The following TSPAN19 variants were observed in gnomAD, a reference collection of about 807,000 sequenced individuals.
TSPAN19 encodes tetraspanin 19, also known as tetraspanin-19.
Under a neutral mutation model 35.1 loss-of-function variants are expected in TSPAN19, and 44 were observed. The ratio of observed to expected loss-of-function variants is 1.25; its 90% confidence interval spans 0.98 to 1.61. The LOEUF (loss-of-function observed/expected upper bound fraction) is 1.61, where lower values mean the gene tolerates loss of function less well. TSPAN19 is among the 40% of genes most tolerant of loss of function. The pLI is 0.00. For synonymous variants in TSPAN19, 79 were observed against 92.0 expected (o/e 0.86, Z 0.81); for missense variants, 290 against 280.0 (o/e 1.04, Z -0.26).
intron 3 of TSPAN19, among the ~76,000 whole-genome samples, chr12:85,028,567 A>G (rs568958344): frequency 6.6e-6 from 1 of 152,220 alleles, no homozygotes; most frequent in African/African-American, 2.4e-5. Flanking sequence ...CAGCAGAACA[A>G]TAAATGCTCA....
At position 85,034,427 on chromosome 12, in the gene TSPAN19, C is replaced by G. The variant is rs748692875; in HGVS notation, c.-28+1777G>C. Among the ~76,000 whole-genome samples, 4 of 152,204 alleles carry G rather than the reference C, an allele frequency of 2.6e-5. No individual in the cohort carries two copies. The South Asian group carries it at 8.3e-4, about 32-fold the overall frequency. ...CAGTTATCTCTCATTCTTTCATTCT[C>G]TCAATAAATATTTATTATGTACTCT... On this transcript the variant is annotated intron_variant, in intron 1 of 8. Transcript: ENST00000532498.
Position 85,027,975 on chromosome 12 carries a change from A to G in TSPAN19, c.188T>C (p.Met63Thr). Reference protein sequence around the residue: ...IVPISQILIGMGSSTVLFCLL... With the variant: ...IVPISQILIGTGSSTVLFCLL... ...ACAAAAAAGAACAGTAGAAGATCCC[A>G]TTCCAATCAAAATTTGAGAAATAGG... The change falls in exon 4 of 9, where the codon ATG becomes ACG. Residue 63 changes from methionine to threonine, a missense_variant. Coordinates refer to ENST00000532498, the MANE Select transcript of TSPAN19 (RefSeq NM_001100917.2). 6.2e-7 allele frequency: 1 copy of G among 1,600,320 alleles called. No homozygotes were observed. The highest frequency in any genetic ancestry group is 8.5e-7 in the Non-Finnish European group (1 of 1,172,280).
At chr12:85,027,761 A>G in intron 4 of TSPAN19, 138 bp downstream of exon 4, 1 of 799,910 alleles carries the variant, frequency 1.3e-6, no homozygotes, top group East Asian at 3.2e-5. Context: ...TGGAGGGAGG[A>G]GGGTGTGCTT....
At chr12:85,023,276 C>T in intron 5 of TSPAN19, 50 bp downstream of exon 5, 8 of 1,479,406 alleles carry the variant, frequency 5.4e-6, no homozygotes, top group South Asian at 1.2e-5. Context: ...ATCCAATTTC[C>T]TTTAAACTTC....
intron 1 of TSPAN19, among the ~76,000 whole-genome samples, chr12:85,030,763 T>C (rs1371246995): frequency 6.6e-6 from 1 of 152,142 alleles, no homozygotes; most frequent in East Asian, 1.9e-4. Context: ...AAAACTTTCA[T>C]GGAAAAATCA....
At chr12:85,023,455 T>A in intron 4 of TSPAN19, 55 bp from the exon 5 acceptor site, 1 of 1,375,258 alleles carries the variant, frequency 7.3e-7, no homozygotes, top group Non-Finnish European at 1.0e-6. Flanking sequence ...ATGTTTTGTA[T>A]GCTCAAATAA....
chr12:85,015,598 A>G (rs1239869411), intron 8 of TSPAN19: 3 of 204,874 alleles, frequency 1.5e-5, no homozygotes, highest in African/African-American at 2.3e-5. Context: ...AAATATATCT[A>G]TACATCAATA....
At chr12:85,030,208 T>A (rs1877617136) in intron 1 of TSPAN19, among the ~76,000 whole-genome samples, 1 of 152,138 alleles carries the variant, frequency 6.6e-6, no homozygotes, top group Non-Finnish European at 1.5e-5. Context: ...TGCAATGCTT[T>A]GACTAGGCAA....
intron 4 of TSPAN19, among the ~76,000 whole-genome samples, chr12:85,025,860 C>T (rs1314901420): frequency 6.6e-6 from 1 of 152,152 alleles, no homozygotes; most frequent in Non-Finnish European, 1.5e-5. Flanking sequence ...ATAATATTTG[C>T]CCATAAGTTG....
At chr12:85,030,245 C>T (rs1202874765) in intron 1 of TSPAN19, among the ~76,000 whole-genome samples, 1 of 152,084 alleles carries the variant, frequency 6.6e-6, no homozygotes, top group Non-Finnish European at 1.5e-5. Context: ...ATTTGTATAA[C>T]AAGTCAAGTA....
At position 85,027,141 on chromosome 12, in the gene TSPAN19, C is replaced by T. The variant is rs191893904; in HGVS notation, c.264+758G>A. On this transcript the variant is annotated intron_variant, in intron 4 of 8. Transcript: ENST00000532498. ...CTCTGGAATATAATTTGCCTTTTCA[C>T]GTTACAAGCCTCGAGAGAAACAGTG... 2.2e-4 allele frequency among the ~76,000 whole-genome samples: 34 copies of T among 152,234 alleles called. No individual in the cohort carries two copies. In the East Asian group the frequency reaches 2.9e-3, roughly 13 times the overall value.
chr12:85,035,923 TTTTTCTTTTC>T (rs1209930994), intron 1 of TSPAN19, among the ~76,000 whole-genome samples: 1 of 152,096 alleles, frequency 6.6e-6, no homozygotes, highest in African/African-American at 2.4e-5. Context: ...TCTTTTTTCC[TTTTTCTTTTC>T]TTTTCTTTTT....
At chr12:85,028,850 T>G (rs1393112356) in intron 3 of TSPAN19, among the ~76,000 whole-genome samples, 1 of 152,170 alleles carries the variant, frequency 6.6e-6, no homozygotes, top group Non-Finnish European at 1.5e-5. Context: ...TTTGCCGGCA[T>G]ACTACTGGGA....
intron 5 of TSPAN19, 130 bp from the exon 6 acceptor site, chr12:85,019,866 A>G (rs916509047): frequency 3.6e-6 from 2 of 552,390 alleles, no homozygotes; most frequent in East Asian, 3.1e-5. Context: ...TTTTCTGTTT[A>G]TTTCTTTTTA....
At chr12:85,030,113 T>A (rs2135815736) in intron 1 of TSPAN19, 140 bp from the exon 2 acceptor site, 1 of 671,744 alleles carries the variant, frequency 1.5e-6, no homozygotes. Flanking sequence ...ATGAAAGGAT[T>A]TATTGAAGGT....
chr12:85,033,435 G>C (rs535803354), intron 1 of TSPAN19, among the ~76,000 whole-genome samples: 1 of 150,598 alleles, frequency 6.6e-6, no homozygotes, highest in Admixed American at 6.6e-5. Flanking sequence ...AAGATAGGGG[G>C]ATAATTTATA....
intron 4 of TSPAN19, among the ~76,000 whole-genome samples, chr12:85,025,223 C>A (rs1166606194): frequency 2.6e-5 from 4 of 151,634 alleles, no homozygotes; most frequent in African/African-American, 9.7e-5. Flanking sequence ...GCAACCTTCG[C>A]CTCCCAGGTT....
intron 1 of TSPAN19, among the ~76,000 whole-genome samples, chr12:85,031,505 C>T (rs938046732): frequency 1.3e-5 from 2 of 152,074 alleles, no homozygotes; most frequent in African/African-American, 4.8e-5. Context: ...ATGTTGAAGG[C>T]ATGGACTTGA....
At position 85,019,626 on chromosome 12, in the gene TSPAN19, T is replaced by C; in HGVS notation, c.450A>G (p.Thr150=). 1 of 1,568,590 alleles carries C rather than the reference T, an allele frequency of 6.4e-7. No individual in the cohort carries two copies. The highest frequency in any genetic ancestry group is 8.8e-7 in the Non-Finnish European group (1 of 1,140,562). The change falls in exon 6 of 9, where the codon ACA becomes ACG. Residue 150 remains threonine, a splice_region_variant and synonymous_variant. Transcript: ENST00000532498. ...KWTILNALQK[T]LQCCGQHNYT... The stretch of plus-strand genomic sequence containing the variant: ...AATTTTTTAGTTAATTTCATCTTAC[T>C]GTTTTCTGTAAGGCATTCAGAATAG...
Sources: allele counts gnomAD v4.1 joint callset (sites outside exome capture counted in the v4.1 genomes callset), GRCh38; gene constraint gnomAD v4.1.1; transcripts MANE v1.5; gene names NCBI Gene and HGNC (gene_info 2026-07-23, HGNC 2026-07-21).